The following JARID2 variants were observed in gnomAD, a reference collection of about 807,000 sequenced individuals.
JARID2 encodes jumonji and AT-rich interaction domain containing 2, also known as protein Jumonji.
JARID2 carries 21 observed loss-of-function variants against 125.6 expected under a neutral mutation model. That is an observed-to-expected ratio of 0.17 (90% confidence interval 0.12 to 0.24). The LOEUF is 0.24. Among genes scored for constraint, JARID2 ranks in the 10% least tolerant of loss-of-function variants. The pLI, the probability that JARID2 is intolerant of heterozygous loss-of-function variation, is 1.00. For missense variants in JARID2, 1,303 were observed against 1,639.6 expected (o/e 0.79, Z 3.55); for synonymous variants, 736 against 661.6 (o/e 1.11, Z -1.73).
chr6:15,443,192 G>T (rs1767521082), intron 3 of JARID2, among the ~76,000 whole-genome samples: 1 of 152,116 alleles, frequency 6.6e-6, no homozygotes, highest in East Asian at 1.9e-4. Context: ...CTGATGTGGT[G>T]GTGATGTTTG....
At chr6:15,349,795 C>T (rs888933741) in intron 1 of JARID2, among the ~76,000 whole-genome samples, 7 of 152,204 alleles carry the variant, frequency 4.6e-5, no homozygotes, top group African/African-American at 1.7e-4. Flanking sequence ...GCAAGCAATG[C>T]CTTATTCTGG....
At chr6:15,328,502 G>A (rs1200052978) in intron 1 of JARID2, among the ~76,000 whole-genome samples, 2 of 152,112 alleles carry the variant, frequency 1.3e-5, no homozygotes, top group Non-Finnish European at 2.9e-5. Context: ...AGTGTCATTG[G>A]GAGCGTTAAG....
intron 4 of JARID2, among the ~76,000 whole-genome samples, chr6:15,455,697 A>G (rs1768133304): frequency 6.6e-6 from 1 of 151,972 alleles, no homozygotes; most frequent in Non-Finnish European, 1.5e-5. Context: ...ACGCCTGGCT[A>G]ATTTTTGTAT....
At chr6:15,248,585 T>A (rs1759293443) in intron 1 of JARID2, 1 of 151,186 alleles carries the variant, frequency 6.6e-6, no homozygotes, top group Admixed American at 6.6e-5. Context: ...CGACGCAGTC[T>A]CGAGAGCAAC....
chr6:15,513,094 T>TACCCCCCCCAG lies in JARID2; in HGVS notation c.3266+49_3266+50insACCCCCCCCAG, dbSNP rs772896339. The TACCCCCCCCAG allele has an allele frequency of 6.8e-6, 11 of 1,611,138 alleles. No individual in the cohort carries two copies. In the Admixed American group the frequency reaches 1.7e-4, roughly 25 times the overall value. ...CCAGAGAGCTGGACCCGGCTGCCCT[T>TACCCCCCCCAG]CGGGGGCTCACCCCCCGAGCAGGCC... is the stretch of plus-strand genomic sequence containing the variant. On this transcript the variant is annotated intron_variant, in intron 15 of 17. Coordinates refer to ENST00000341776, the MANE Select transcript of JARID2 (RefSeq NM_004973.4).
chr6:15,415,990 C>G (rs1160735413), intron 3 of JARID2, among the ~76,000 whole-genome samples: 1 of 150,728 alleles, frequency 6.6e-6, no homozygotes, highest in Non-Finnish European at 1.5e-5. Flanking sequence ...TGGGCAGAGA[C>G]GCTCCTCACC....
chr6:15,429,043 C>G (rs752948049), intron 3 of JARID2, among the ~76,000 whole-genome samples: 4 of 151,394 alleles, frequency 2.6e-5, no homozygotes, highest in African/African-American at 4.9e-5. Context: ...GCAACATCAT[C>G]CATATGTGAT....
intron 1 of JARID2, among the ~76,000 whole-genome samples, chr6:15,350,045 G>A (rs1396655537): frequency 1.3e-5 from 2 of 152,132 alleles, no homozygotes; most frequent in Admixed American, 6.5e-5. Context: ...GGCCCACCAT[G>A]TCCTGGATCT....
chr6:15,517,358 T>C (rs2127773434), intron 17 of JARID2, 90 bp downstream of exon 17: 8 of 894,656 alleles, frequency 8.9e-6, no homozygotes, highest in Non-Finnish European at 1.5e-5. Flanking sequence ...CTGGCAGTTC[T>C]GTGCCTGGCG....
At chr6:15,487,580 C>G in intron 6 of JARID2, 38 bp downstream of exon 6, 1 of 1,486,350 alleles carries the variant, frequency 6.7e-7, no homozygotes, top group Non-Finnish European at 9.1e-7. Context: ...TGTGCCAGAC[C>G]CCAGTTTCCC....
At chr6:15,369,619 A>G (rs1401604357) in intron 1 of JARID2, among the ~76,000 whole-genome samples, 1 of 152,228 alleles carries the variant, frequency 6.6e-6, no homozygotes, top group Non-Finnish European at 1.5e-5. Context: ...TTGGATTTTC[A>G]GACAGTGAGG....
intron 1 of JARID2, among the ~76,000 whole-genome samples, chr6:15,270,006 C>G (rs551409780): frequency 9.2e-5 from 14 of 152,224 alleles, no homozygotes; most frequent in Middle Eastern, 3.4e-3. Flanking sequence ...AATATTAACA[C>G]AAGGGTTGTA....
intron 6 of JARID2, among the ~76,000 whole-genome samples, chr6:15,493,919 T>C (rs1437222800): frequency 6.6e-6 from 1 of 151,780 alleles, no homozygotes; most frequent in East Asian, 1.9e-4. Flanking sequence ...TGCCAGGTGC[T>C]TTTTTTCCTC....
intron 6 of JARID2, among the ~76,000 whole-genome samples, chr6:15,493,852 G>A (rs1053052903): frequency 6.6e-6 from 1 of 152,068 alleles, no homozygotes; most frequent in East Asian, 1.9e-4. Context: ...TACTTACCAC[G>A]GAATATTTCT....
At chr6:15,399,511 A>T (rs1765343915) in intron 2 of JARID2, among the ~76,000 whole-genome samples, 1 of 151,920 alleles carries the variant, frequency 6.6e-6, no homozygotes, top group South Asian at 2.1e-4. Flanking sequence ...GTGTGTGTTT[A>T]TGTACATGTA....
In JARID2 at chr6:15,468,725, C is replaced by T. The variant is rs758612892; in HGVS notation, c.670+7C>T. ...CATGTTCACAACGGGCATGGTAGGT[C>T]CACCGTTGAACTTGGATAAGAAAAA... On this transcript the variant is annotated splice_region_variant and intron_variant, in intron 5 of 17. Transcript: ENST00000341776. The T allele has an allele frequency of 5.6e-6, 9 of 1,603,170 alleles. No individual in the cohort carries two copies. The highest frequency in any genetic ancestry group is 1.7e-4 in the Middle Eastern group (1 of 6,002).
chr6:15,361,427 C>G (rs1027422350), intron 1 of JARID2, among the ~76,000 whole-genome samples: 2 of 152,212 alleles, frequency 1.3e-5, no homozygotes, highest in African/African-American at 4.8e-5. Context: ...CTCCTCTGTC[C>G]TTTCACACAC....
intron 1 of JARID2, among the ~76,000 whole-genome samples, chr6:15,273,705 AAAC>A (rs1760387984): frequency 6.7e-6 from 1 of 149,698 alleles, no homozygotes; most frequent in South Asian, 2.1e-4. Flanking sequence ...CTGTCTCAAA[AAAC>A]AAACAAACAA....
At chr6:15,451,253 T>G (rs762611625) in intron 3 of JARID2, among the ~76,000 whole-genome samples, 4 of 152,254 alleles carry the variant, frequency 2.6e-5, no homozygotes, top group African/African-American at 4.8e-5. Context: ...TGAAATGTAC[T>G]CTGTAGTTAA....
Sources: allele counts gnomAD v4.1 joint callset (sites outside exome capture counted in the v4.1 genomes callset), GRCh38; gene constraint gnomAD v4.1.1; transcripts MANE v1.5; gene names NCBI Gene and HGNC (gene_info 2026-07-23, HGNC 2026-07-21).